CCDC91: variants seen among roughly 807,000 people sequenced by gnomAD.
The protein encoded by CCDC91 is coiled-coil domain-containing protein 91.
A neutral mutation model predicts 63.2 loss-of-function variants in CCDC91; 48 were observed. The observed-to-expected ratio is 0.76, with a 90% CI of 0.60 to 0.97. The LOEUF is 0.97. Among genes scored for constraint, CCDC91 ranks in the 50% least tolerant of loss-of-function variants. The pLI, the probability that CCDC91 is intolerant of heterozygous loss-of-function variation, is 0.00. For missense variants in CCDC91, 500 were observed against 494.6 expected, an observed-to-expected ratio of 1.01 and a Z score of -0.10; for synonymous variants, 167 against 165.8, an observed-to-expected ratio of 1.01 and a Z score of -0.06.
chr12:28,535,325 C>G (rs1340087424), intron 12 of CCDC91, among the ~76,000 whole-genome samples: 1 of 152,140 alleles, frequency 6.6e-6, no homozygotes, highest in Non-Finnish European at 1.5e-5. Flanking sequence ...ATAAGCCATA[C>G]CCATGGAATG....
intron 1 of CCDC91, among the ~76,000 whole-genome samples, chr12:28,252,943 A>G (rs1946218145): frequency 6.6e-6 from 1 of 152,140 alleles, no homozygotes; most frequent in African/African-American, 2.4e-5. Flanking sequence ...GGAGTTAGCT[A>G]TTATAATATT....
At chr12:28,276,207 A>G (rs1421140056) in intron 3 of CCDC91, among the ~76,000 whole-genome samples, 2 of 152,090 alleles carry the variant, frequency 1.3e-5, no homozygotes, top group Non-Finnish European at 1.5e-5. Context: ...GTATGTATGT[A>G]TGTTTGTGTG....
At position 28,324,727 on chromosome 12, in the gene CCDC91, G is replaced by A. The variant is rs568507642; in HGVS notation, c.576+16978G>A. 1.0e-3 allele frequency among the ~76,000 whole-genome samples: 156 copies of A among 151,896 alleles called. 1 individual carries two copies. The highest frequency in any genetic ancestry group is 3.4e-3 in the African/African-American group (141 of 41,486). On this transcript the variant is annotated intron_variant, in intron 6 of 12. Coordinates refer to ENST00000536442, the MANE Select transcript of CCDC91 (RefSeq NM_018318.5). ...CTTTTTGAGTTATTGTGAAGATTAA[G>A]TTAGTTCATGTTCTGAAGTGTTTAA...
chr12:28,419,914 A>G (rs1396322236), intron 8 of CCDC91, among the ~76,000 whole-genome samples: 1 of 151,774 alleles, frequency 6.6e-6, no homozygotes, highest in East Asian at 1.9e-4. Flanking sequence ...ATGGCACCAC[A>G]CCTGGCTAAT....
chr12:28,502,257 C>G (rs1048721009), intron 12 of CCDC91, among the ~76,000 whole-genome samples: 1 of 151,832 alleles, frequency 6.6e-6, no homozygotes, highest in African/African-American at 2.4e-5. Context: ...AATCAATGTA[C>G]AAAAATCACA....
rs1287510640 is a variant in CCDC91 at position 28,502,695 on chromosome 12, A to G, written c.1215+18530A>G. 4.6e-5 allele frequency among the ~76,000 whole-genome samples: 7 copies of G among 150,784 alleles called. No homozygotes were observed. In the South Asian group the frequency reaches 8.5e-4, roughly 18 times the overall value. On this transcript the variant is annotated intron_variant, in intron 12 of 12. Transcript: ENST00000536442. ...TGACTTCAAACTATACTACAAGGCT[A>G]CAATAACCAAAACAGCATGGTACTG...
At chr12:28,506,915 C>G (rs1208491659) in intron 12 of CCDC91, among the ~76,000 whole-genome samples, 1 of 150,536 alleles carries the variant, frequency 6.6e-6, no homozygotes, top group African/African-American at 2.4e-5. Flanking sequence ...GTAGATAGAT[C>G]AAATCTACCA....
chr12:28,200,107 T>G (rs1330265311), intron 1 of CCDC91, among the ~76,000 whole-genome samples: 11 of 152,088 alleles, frequency 7.2e-5, no homozygotes, highest in Non-Finnish European at 1.6e-4. Flanking sequence ...CCTATAGGTC[T>G]TTGATGCTCT....
chr12:28,485,455 C>T lies in CCDC91; in HGVS notation c.1215+1290C>T, dbSNP rs528674305. 2.5e-4 allele frequency among the ~76,000 whole-genome samples: 38 copies of T among 152,108 alleles called. 1 individual carries two copies. The highest frequency in any genetic ancestry group is 8.2e-4 in the African/African-American group (34 of 41,492). The stretch of plus-strand genomic sequence containing the variant: ...TGCCAGGAATACAGGCATGAGCCAC[C>T]GTGCCCAGCCATCCAGTGCTGTTAA... On this transcript the variant is annotated intron_variant, in intron 12 of 12. Coordinates refer to ENST00000536442, the MANE Select transcript of CCDC91 (RefSeq NM_018318.5).
intron 6 of CCDC91, among the ~76,000 whole-genome samples, chr12:28,311,065 C>G (rs1939271151): frequency 6.6e-6 from 1 of 151,922 alleles, no homozygotes; most frequent in South Asian, 2.1e-4. Context: ...TCATCTGATA[C>G]TGTATAGTTT....
chr12:28,224,512 T>C (rs1944151645), intron 1 of CCDC91, among the ~76,000 whole-genome samples: 1 of 152,156 alleles, frequency 6.6e-6, no homozygotes, highest in Non-Finnish European at 1.5e-5. Context: ...TCCAGCTTTT[T>C]CATTGTGCTT....
intron 11 of CCDC91, among the ~76,000 whole-genome samples, chr12:28,460,821 A>G (rs557256135): frequency 1.3e-5 from 2 of 151,888 alleles, no homozygotes; most frequent in East Asian, 1.9e-4. Context: ...GTATATATAT[A>G]TTTTTTAACT....
rs140940588 is a variant in CCDC91, at chr12:28,427,224, C to G, written c.763-22937C>G. 4.2e-4 allele frequency among the ~76,000 whole-genome samples: 64 copies of G among 152,240 alleles called. 1 individual carries two copies. In the East Asian group the frequency reaches 0.01, roughly 24 times the overall value. On this transcript the variant is annotated intron_variant, in intron 8 of 12. Coordinates refer to ENST00000536442, the MANE Select transcript of CCDC91 (RefSeq NM_018318.5). ...CTAGCTTCCTCCCCAACCCCCACCT[C>G]CTTTATGTGAGATAAAAAGGCTAGA...
chr12:28,228,490 A>G (rs1944407963), intron 1 of CCDC91, among the ~76,000 whole-genome samples: 1 of 152,052 alleles, frequency 6.6e-6, no homozygotes, highest in South Asian at 2.1e-4. Flanking sequence ...AGATTACCTC[A>G]CGAATACAGA....
intron 3 of CCDC91, among the ~76,000 whole-genome samples, chr12:28,290,586 T>G (rs1252165211): frequency 5.3e-5 from 8 of 152,248 alleles, no homozygotes; most frequent in African/African-American, 1.9e-4. Flanking sequence ...TTTGTGTGGT[T>G]GCTTTATAAT....
intron 8 of CCDC91, among the ~76,000 whole-genome samples, chr12:28,436,059 T>C (rs755819864): frequency 1.3e-4 from 19 of 151,870 alleles, no homozygotes; most frequent in Non-Finnish European, 2.5e-4. Context: ...CTCTGTCTTT[T>C]AATTGTTGTA....
chr12:28,330,838 T>A (rs920953126), intron 6 of CCDC91, among the ~76,000 whole-genome samples: 3 of 152,186 alleles, frequency 2.0e-5, no homozygotes, highest in African/African-American at 7.2e-5. Flanking sequence ...AACAATCCAG[T>A]GGGTTATAGG....
intron 12 of CCDC91, among the ~76,000 whole-genome samples, chr12:28,508,780 T>G (rs1233250358): frequency 6.6e-6 from 1 of 151,820 alleles, no homozygotes; most frequent in African/African-American, 2.4e-5. Context: ...ATTATCTGAG[T>G]CAGTTATTAA....
rs778076046 is a variant in CCDC91, at chr12:28,452,436, T to A, written c.925-42T>A. 1.3e-5 allele frequency: 13 copies of A among 1,032,612 alleles called. No individual in the cohort carries two copies. The South Asian group carries it at 1.5e-4, about 12-fold the overall frequency. 64.0% of individuals were successfully genotyped at this position (1,032,612 alleles called of 1,614,324 possible). On this transcript the variant is annotated intron_variant, in intron 10 of 12. Coordinates refer to ENST00000536442, the MANE Select transcript of CCDC91 (RefSeq NM_018318.5). The stretch of plus-strand genomic sequence containing the variant: ...AAGTCTGTTACTCAAGAAATTATTA[T>A]GCAGTCTTTCAAATTTGTTCTGGTC...
Sources: allele counts gnomAD v4.1 joint callset (sites outside exome capture counted in the v4.1 genomes callset), GRCh38; gene constraint gnomAD v4.1.1; transcripts MANE v1.5; gene names NCBI Gene and HGNC (gene_info 2026-07-23, HGNC 2026-07-21).